Variants in DERA observed in about 807,000 individuals in gnomAD.
DERA encodes deoxyribose-phosphate aldolase.
Under a neutral mutation model 41.1 loss-of-function variants are expected in DERA, and 15 were observed. That is an observed-to-expected ratio of 0.37 (90% confidence interval 0.24 to 0.56). The LOEUF is 0.56. Ranked by LOEUF, DERA falls within the 20% of genes least tolerant of loss-of-function variation. DERA has a pLI of 0.81. For synonymous variants in DERA, 139 were observed against 137.4 expected (o/e 1.01, Z -0.08); for missense variants, 396 against 403.4 (o/e 0.98, Z 0.16).
At chr12:16,028,463 T>G (rs142110409) in intron 6 of DERA, among the ~76,000 whole-genome samples, 1 of 152,214 alleles carries the variant, frequency 6.6e-6, no homozygotes, top group Non-Finnish European at 1.5e-5. Context: ...CATATAAAAT[T>G]CCAAGTAATT....
intron 6 of DERA, among the ~76,000 whole-genome samples, chr12:15,987,818 C>T (rs1450723038): frequency 6.6e-6 from 1 of 152,060 alleles, no homozygotes; most frequent in Non-Finnish European, 1.5e-5. Flanking sequence ...CTTGTTCCAC[C>T]CACTTGGCCC....
chr12:15,939,146 G>A (rs1466282375), intron 1 of DERA, among the ~76,000 whole-genome samples: 2 of 152,166 alleles, frequency 1.3e-5, no homozygotes, highest in African/African-American at 2.4e-5. Flanking sequence ...AGAGGTTTGA[G>A]GACTACATGG....
Position 15,936,241 on chromosome 12 carries a change from G to T in DERA, c.32-20695G>T, listed in dbSNP as rs1229649936. On this transcript the variant is annotated intron_variant, in intron 1 of 8. Transcript: ENST00000428559. This position sits in a 1 kb window ranked among gnomAD's most constrained non-coding sequence, Gnocchi z 4.6. ...GGGTCATTTTTGAGGCTAGCTACCC[G>T]TTTCCCTTATTTGCTATGTTAATTA... Among the ~76,000 whole-genome samples the T allele has an allele frequency of 6.6e-6, 1 of 152,152 alleles. No individual in the cohort carries two copies. Among genetic ancestry groups the T allele is most frequent in the Non-Finnish European group, 1.5e-5 (1 of 68,030 alleles).
Position 15,960,019 on chromosome 12 carries a change from A to G in DERA, c.373+95A>G, listed in dbSNP as rs997555717. 1.2e-5 allele frequency: 10 copies of G among 869,542 alleles called. No individual in the cohort carries two copies. In the Admixed American group the frequency reaches 2.2e-4, roughly 20 times the overall value. The allele number at this position is 869,542 out of a possible 1,614,324, so 53.9% of individuals were successfully genotyped here. ...ATATGTAGGTTTGTACTATGATTTA[A>G]ATTAGTTTATGTATTTAATTAGTTG... On this transcript the variant is annotated intron_variant, in intron 4 of 8. Coordinates refer to ENST00000428559, the MANE Select transcript of DERA (RefSeq NM_015954.4).
At position 15,985,866 on chromosome 12, in the gene DERA, A is replaced by C. The variant is rs1948760708; in HGVS notation, c.637+3430A>C. ...TTTCAGATGTTAGAGCAAATGTCAG[A>C]TCGAATTGGTTGATAATGTTTTTCA... On this transcript the variant is annotated intron_variant, in intron 6 of 8. Coordinates refer to ENST00000428559, the MANE Select transcript of DERA (RefSeq NM_015954.4). This position sits in a 1 kb window ranked among gnomAD's most constrained non-coding sequence, Gnocchi z 4.2. Among the ~76,000 whole-genome samples, 1 of 152,140 alleles carries C rather than the reference A, an allele frequency of 6.6e-6. No homozygotes were observed. Among genetic ancestry groups the C allele is most frequent in the Non-Finnish European group, 1.5e-5 (1 of 68,016 alleles).
At position 15,967,606 on chromosome 12, in the gene DERA, C is replaced by T. The variant is rs1312511037; in HGVS notation, c.508+4659C>T. ...CAGTGGAATCTCTGAGATGATTGGC[C>T]TCATAGCTCACAGTCCAGACTCTTG... is the stretch of plus-strand genomic sequence containing the variant. On this transcript the variant is annotated intron_variant, in intron 5 of 8. Coordinates refer to ENST00000428559, the MANE Select transcript of DERA (RefSeq NM_015954.4). The surrounding 1 kb of genome is among the most constrained non-coding windows in gnomAD (Gnocchi z 4.9). Among the ~76,000 whole-genome samples the T allele has an allele frequency of 6.6e-6, 1 of 152,120 alleles. No homozygotes were observed. Among genetic ancestry groups the T allele is most frequent in the Non-Finnish European group, 1.5e-5 (1 of 68,032 alleles).
chr12:15,962,758 A>C, intron 4 of DERA, 55 bp from the exon 5 acceptor site: 1 of 1,427,006 alleles, frequency 7.0e-7, no homozygotes, highest in Non-Finnish European at 9.4e-7. Context: ...CCCCTTGCTT[A>C]CTTTCTTTCT....
intron 5 of DERA, among the ~76,000 whole-genome samples, chr12:15,968,289 C>T (rs767866966): frequency 5.3e-5 from 8 of 152,018 alleles, no homozygotes; most frequent in Admixed American, 2.6e-4. Flanking sequence ...GTTTCTATGC[C>T]GTTAGCCTGG....
rs1948808277 is a variant in DERA, at chr12:15,992,404, A to G, written c.637+9968A>G. Reference sequence around the variant, plus strand: ...ACAAGGATATTGTATTTCTAAAGCAATGTAAGGTATGACAAGGATATTAAT... The same window carrying G: ...ACAAGGATATTGTATTTCTAAAGCAGTGTAAGGTATGACAAGGATATTAAT... On this transcript the variant is annotated intron_variant, in intron 6 of 8. Coordinates refer to ENST00000428559, the MANE Select transcript of DERA (RefSeq NM_015954.4). This position sits in a 1 kb window ranked among gnomAD's most constrained non-coding sequence, Gnocchi z 4.3. 6.6e-6 allele frequency among the ~76,000 whole-genome samples: 1 copy of G among 152,138 alleles called. No homozygotes were observed. The highest frequency in any genetic ancestry group is 6.6e-5 in the Admixed American group (1 of 15,260).
chr12:15,926,086 G>A (rs922119289), intron 1 of DERA, among the ~76,000 whole-genome samples: 1 of 151,556 alleles, frequency 6.6e-6, no homozygotes, highest in African/African-American at 2.4e-5. Flanking sequence ...GCCTCCCAAA[G>A]TGCTGGGATT....
At position 15,966,162 on chromosome 12, in the gene DERA, T is replaced by A. The variant is rs1948621386; in HGVS notation, c.508+3215T>A. 6.6e-6 allele frequency among the ~76,000 whole-genome samples: 1 copy of A among 152,114 alleles called. No homozygotes were observed. The highest frequency in any genetic ancestry group is 2.4e-5 in the African/African-American group (1 of 41,418). ...CTTTGGGAGGCTGAAACAGGCACTTTGGGAGGCCTCATCACCTCTTGCTCT... is the reference window on the plus strand; with the variant it reads ...CTTTGGGAGGCTGAAACAGGCACTTAGGGAGGCCTCATCACCTCTTGCTCT... On this transcript the variant is annotated intron_variant, in intron 5 of 8. Coordinates refer to ENST00000428559, the MANE Select transcript of DERA (RefSeq NM_015954.4). This position sits in a 1 kb window ranked among gnomAD's most constrained non-coding sequence, Gnocchi z 5.1.
At chr12:15,964,615 G>A (rs1221724462) in intron 5 of DERA, among the ~76,000 whole-genome samples, 3 of 152,132 alleles carry the variant, frequency 2.0e-5, no homozygotes, top group African/African-American at 7.2e-5. Context: ...AGAGTAAAAT[G>A]AAAAAGTGAG....
chr12:16,011,990 T>G lies in DERA; in HGVS notation c.638-20552T>G, dbSNP rs1006885784. Reference sequence around the variant, plus strand: ...AGACAGATAAAGAATTTTTCTAAATTAGGCAATCAAACCAAGAAAAAACAC... The same window carrying G: ...AGACAGATAAAGAATTTTTCTAAATGAGGCAATCAAACCAAGAAAAAACAC... On this transcript the variant is annotated intron_variant, in intron 6 of 8. Coordinates refer to ENST00000428559, the MANE Select transcript of DERA (RefSeq NM_015954.4). The surrounding 1 kb of genome is among the most constrained non-coding windows in gnomAD (Gnocchi z 4.7). 6.7e-6 allele frequency among the ~76,000 whole-genome samples: 1 copy of G among 150,254 alleles called. No individual in the cohort carries two copies. Among genetic ancestry groups the G allele is most frequent in the African/African-American group, 2.5e-5 (1 of 39,626 alleles).
chr12:15,937,818 T>C (rs1948379743), intron 1 of DERA, among the ~76,000 whole-genome samples: 2 of 152,212 alleles, frequency 1.3e-5, no homozygotes, highest in Admixed American at 1.3e-4. Flanking sequence ...ACTTCCTTTA[T>C]TCTGGTGTAT....
chr12:15,966,161 T>C lies in DERA; in HGVS notation c.508+3214T>C, dbSNP rs1213414605. Among the ~76,000 whole-genome samples the C allele has an allele frequency of 6.6e-6, 1 of 152,160 alleles. No homozygotes were observed. Among genetic ancestry groups the C allele is most frequent in the Non-Finnish European group, 1.5e-5 (1 of 68,026 alleles). ...ACTTTGGGAGGCTGAAACAGGCACT[T>C]TGGGAGGCCTCATCACCTCTTGCTC... On this transcript the variant is annotated intron_variant, in intron 5 of 8. Coordinates refer to ENST00000428559, the MANE Select transcript of DERA (RefSeq NM_015954.4). The surrounding 1 kb of genome is among the most constrained non-coding windows in gnomAD (Gnocchi z 5.1).
chr12:15,912,020 C>CTTTTTTT, intron 1 of DERA, among the ~76,000 whole-genome samples: 1 of 134,178 alleles, frequency 7.5e-6, no homozygotes, highest in Non-Finnish European at 1.6e-5. Context: ...GTTCAGATTT[C>CTTTTTTT]TTTTTTTTTT....
rs1231584296 is a variant in DERA, at chr12:15,988,640, T to C, written c.637+6204T>C. Among the ~76,000 whole-genome samples, 1 of 152,094 alleles carries C rather than the reference T, an allele frequency of 6.6e-6. No individual in the cohort carries two copies. Among genetic ancestry groups the C allele is most frequent in the Admixed American group, 6.5e-5 (1 of 15,284 alleles). ...CTGCCTGAATGGTCATCAATGAAGT[T>C]CTCACTCCAGGCTGTGGCCTTCACT... On this transcript the variant is annotated intron_variant, in intron 6 of 8. Transcript: ENST00000428559. This position sits in a 1 kb window ranked among gnomAD's most constrained non-coding sequence, Gnocchi z 6.0.
At position 15,994,295 on chromosome 12, in the gene DERA, A is replaced by G. The variant is rs1243118410; in HGVS notation, c.637+11859A>G. Among the ~76,000 whole-genome samples, 1 of 152,200 alleles carries G rather than the reference A, an allele frequency of 6.6e-6. No homozygotes were observed. Among genetic ancestry groups the G allele is most frequent in the African/African-American group, 2.4e-5 (1 of 41,456 alleles). Reference sequence around the variant, plus strand: ...AGCTGTATTTCCCCTTTAAACATTAAGGGATTTTATTTTCTAAGTGAAATT... The same window carrying G: ...AGCTGTATTTCCCCTTTAAACATTAGGGGATTTTATTTTCTAAGTGAAATT... On this transcript the variant is annotated intron_variant, in intron 6 of 8. Transcript: ENST00000428559. This position sits in a 1 kb window ranked among gnomAD's most constrained non-coding sequence, Gnocchi z 4.8.
rs1385254115 is a variant in DERA at position 16,017,217 on chromosome 12, A to G, written c.638-15325A>G. Among the ~76,000 whole-genome samples, 2 of 152,140 alleles carry G rather than the reference A, an allele frequency of 1.3e-5. No homozygotes were observed. The highest frequency in any genetic ancestry group is 2.9e-5 in the Non-Finnish European group (2 of 68,026). Reference sequence around the variant, plus strand: ...TCATCTTTCCTTTGGGGCATTGGAGATATTTTCCAACCCTAAAATTGTGAT... The same window carrying G: ...TCATCTTTCCTTTGGGGCATTGGAGGTATTTTCCAACCCTAAAATTGTGAT... On this transcript the variant is annotated intron_variant, in intron 6 of 8. Coordinates refer to ENST00000428559, the MANE Select transcript of DERA (RefSeq NM_015954.4). The surrounding 1 kb of genome is among the most constrained non-coding windows in gnomAD (Gnocchi z 5.5).
Sources: allele counts gnomAD v4.1 joint callset (sites outside exome capture counted in the v4.1 genomes callset), GRCh38; gene constraint gnomAD v4.1.1; non-coding constraint Gnocchi (gnomAD v3.1); transcripts MANE v1.5; gene names NCBI Gene and HGNC (gene_info 2026-07-23, HGNC 2026-07-21).